KCNIP4: variants seen among roughly 807,000 people sequenced by gnomAD.
The protein encoded by KCNIP4 is potassium voltage-gated channel interacting protein 4, also known as Kv channel-interacting protein 4.
Under a neutral mutation model 34.0 loss-of-function variants are expected in KCNIP4, and 12 were observed. That is an observed-to-expected ratio of 0.35 (90% confidence interval 0.23 to 0.57). The LOEUF (loss-of-function observed/expected upper bound fraction) is 0.57. Ranked by LOEUF, KCNIP4 falls within the 20% of genes least tolerant of loss-of-function variation. The pLI, the probability that KCNIP4 is intolerant of heterozygous loss-of-function variation, is 0.83. For missense variants in KCNIP4, 238 were observed against 311.7 expected, an observed-to-expected ratio of 0.76 and a Z score of 1.78; for synonymous variants, 124 against 102.2, an observed-to-expected ratio of 1.21 and a Z score of -1.29.
At chr4:21,279,790 T>A (rs75685352) in intron 1 of KCNIP4, among the ~76,000 whole-genome samples, 1,612 of 152,180 alleles carry the variant, frequency 0.011, 29 homozygotes, top group African/African-American at 0.037. Flanking sequence ...CCTGGCTTCC[T>A]CTTCTGTAAA....
chr4:21,504,467 A>AAAAAAAAAAAAAG, intron 1 of KCNIP4, among the ~76,000 whole-genome samples: 1 of 109,746 alleles, frequency 9.1e-6, no homozygotes, highest in Non-Finnish European at 1.7e-5. Context: ...CTCCAACTCA[A>AAAAAAAAAAAAAG]AAAAAAAAAA....
intron 1 of KCNIP4, among the ~76,000 whole-genome samples, chr4:21,085,741 C>G (rs1746369890): frequency 6.6e-6 from 1 of 152,174 alleles, no homozygotes; most frequent in Non-Finnish European, 1.5e-5. Context: ...GAGACTGATA[C>G]AAGGATGGAG....
chr4:20,737,070 A>G (rs541131535), intron 5 of KCNIP4, among the ~76,000 whole-genome samples: 1 of 152,212 alleles, frequency 6.6e-6, no homozygotes, highest in South Asian at 2.1e-4. Flanking sequence ...AATAATCTCA[A>G]TATATGGTGC....
At chr4:21,397,988 G>A (rs929669890) in intron 1 of KCNIP4, among the ~76,000 whole-genome samples, 4 of 152,174 alleles carry the variant, frequency 2.6e-5, no homozygotes, top group Non-Finnish European at 4.4e-5. Context: ...CACACACACC[G>A]TGGGGTCACT....
chr4:21,280,099 A>T (rs1333606682), intron 1 of KCNIP4, among the ~76,000 whole-genome samples: 1 of 152,222 alleles, frequency 6.6e-6, no homozygotes, highest in Non-Finnish European at 1.5e-5. Flanking sequence ...AGCAGAATAT[A>T]CAGTCTACAT....
chr4:21,082,051 T>C (rs990434528), intron 1 of KCNIP4, among the ~76,000 whole-genome samples: 1 of 151,962 alleles, frequency 6.6e-6, no homozygotes, highest in Non-Finnish European at 1.5e-5. Flanking sequence ...AAAAGAGGTC[T>C]ATTCTTTTTA....
chr4:21,337,148 T>C (rs1716257320), intron 1 of KCNIP4, among the ~76,000 whole-genome samples: 1 of 152,032 alleles, frequency 6.6e-6, no homozygotes, highest in African/African-American at 2.4e-5. Flanking sequence ...GAGAAGGGTG[T>C]GGCTGGAGCA....
intron 1 of KCNIP4, among the ~76,000 whole-genome samples, chr4:21,053,627 A>T (rs1560680193): frequency 1.3e-5 from 2 of 152,232 alleles, no homozygotes; most frequent in Non-Finnish European, 2.9e-5. Context: ...GAAAGAATTG[A>T]TAAAAACAAC....
intron 1 of KCNIP4, among the ~76,000 whole-genome samples, chr4:21,101,414 T>C (rs911119896): frequency 2.0e-5 from 3 of 152,178 alleles, no homozygotes; most frequent in South Asian, 2.1e-4. Context: ...TATACACACA[T>C]ACACACACAC....
intron 1 of KCNIP4, among the ~76,000 whole-genome samples, chr4:20,951,018 G>C (rs1256666358): frequency 6.6e-6 from 1 of 152,116 alleles, no homozygotes; most frequent in Non-Finnish European, 1.5e-5. Flanking sequence ...CTCTAAGAAA[G>C]TAATTAAGGT....
intron 5 of KCNIP4, among the ~76,000 whole-genome samples, chr4:20,741,030 A>G (rs547042835): frequency 2.0e-5 from 3 of 152,336 alleles, no homozygotes; most frequent in Non-Finnish European, 4.4e-5. Flanking sequence ...AACTATCCTA[A>G]ATATATATGC....
chr4:20,974,686 G>A (rs1367200919), intron 1 of KCNIP4, among the ~76,000 whole-genome samples: 1 of 152,070 alleles, frequency 6.6e-6, no homozygotes, highest in African/African-American at 2.4e-5. Context: ...TTTCTTTTAT[G>A]TCCCTCTAAA....
intron 1 of KCNIP4, among the ~76,000 whole-genome samples, chr4:21,376,026 A>G (rs1266228716): frequency 6.6e-6 from 1 of 152,218 alleles, no homozygotes; most frequent in Non-Finnish European, 1.5e-5. Context: ...CCTGAAAATT[A>G]CAGTCTAAAC....
At chr4:21,366,437 A>G (rs781729870) in intron 1 of KCNIP4, among the ~76,000 whole-genome samples, 22 of 152,210 alleles carry the variant, frequency 1.4e-4, no homozygotes, top group Middle Eastern at 3.2e-3. Context: ...AGGAAAAACA[A>G]AAAGGAAATT....
At chr4:21,327,145 A>G (rs1007306942) in intron 1 of KCNIP4, among the ~76,000 whole-genome samples, 20 of 152,030 alleles carry the variant, frequency 1.3e-4, no homozygotes, top group African/African-American at 4.6e-4. Flanking sequence ...TACTATTACC[A>G]GTGACTTTGT....
chr4:21,524,137 G>A (rs1735775300), intron 1 of KCNIP4, among the ~76,000 whole-genome samples: 1 of 151,914 alleles, frequency 6.6e-6, no homozygotes. Flanking sequence ...TGGTAGTGTG[G>A]GAAGAATAAG....
intron 1 of KCNIP4, among the ~76,000 whole-genome samples, chr4:21,513,040 C>T (rs1274359990): frequency 1.3e-5 from 2 of 152,088 alleles, no homozygotes; most frequent in African/African-American, 4.8e-5. Context: ...ACATTGTTAC[C>T]ATTTTCTCCA....
intron 1 of KCNIP4, among the ~76,000 whole-genome samples, chr4:21,640,796 C>A (rs746424754): frequency 6.6e-6 from 1 of 152,100 alleles, no homozygotes; most frequent in Non-Finnish European, 1.5e-5. Context: ...GTCTAGGCTG[C>A]CATATAGGTG....
intron 1 of KCNIP4, among the ~76,000 whole-genome samples, chr4:21,533,648 GA>G (rs965953426): frequency 6.6e-5 from 10 of 151,996 alleles, no homozygotes; most frequent in Non-Finnish European, 1.2e-4. Flanking sequence ...AGGAAAAACA[GA>G]AAAAAACTTT....
Sources: gnomAD v4.1 joint callset for allele counts (sites outside exome capture counted in the v4.1 genomes callset) on GRCh38, gnomAD v4.1.1 for gene constraint, MANE v1.5 for transcripts, NCBI Gene and HGNC (gene_info 2026-07-23, HGNC 2026-07-21) for gene names.